SUSD3: variants seen among roughly 807,000 people sequenced by gnomAD.
SUSD3 encodes the protein sushi domain-containing protein 3.
In SUSD3, 18 loss-of-function variants were observed where a neutral mutation model predicts 20.6. That is an observed-to-expected ratio of 0.87 (90% confidence interval 0.60 to 1.30). SUSD3 has a LOEUF of 1.30. SUSD3 is among the 50% of genes most tolerant of loss of function. SUSD3 has a pLI of 0.00. For synonymous variants in SUSD3, 137 were observed against 141.5 expected, an observed-to-expected ratio of 0.97 and a Z score of 0.23; for missense variants, 306 against 346.9, an observed-to-expected ratio of 0.88 and a Z score of 0.94.
At chr9:93,079,709 AC>A (rs1826331865) in intron 4 of SUSD3, 107 bp downstream of exon 4, 9 of 1,202,164 alleles carry the variant, frequency 7.5e-6, no homozygotes, top group Non-Finnish European at 9.3e-6. Context: ...CTGCTCCCAC[AC>A]GCCTAGCCCA....
chr9:93,072,074 A>G (rs1474224486), intron 1 of SUSD3, among the ~76,000 whole-genome samples: 1 of 152,094 alleles, frequency 6.6e-6, no homozygotes. Flanking sequence ...TCATAGGGCT[A>G]TAATGCAGTA....
chr9:93,076,463 G>A (rs1478124685), intron 2 of SUSD3, among the ~76,000 whole-genome samples: 1 of 152,170 alleles, frequency 6.6e-6, no homozygotes, highest in Non-Finnish European at 1.5e-5. Context: ...GGAGGCAATG[G>A]TTTTCTGGTT....
intron 4 of SUSD3, among the ~76,000 whole-genome samples, chr9:93,081,294 G>A (rs1217805493): frequency 6.6e-6 from 1 of 152,138 alleles, no homozygotes; most frequent in Non-Finnish European, 1.5e-5. Context: ...GGGTCTGGGC[G>A]GGCATCCAGA....
chr9:93,084,992 A>G lies in SUSD3; in HGVS notation c.*245A>G, dbSNP rs1050635586. The G allele has an allele frequency of 2.1e-5, 8 of 388,174 alleles. No individual in the cohort carries two copies. The highest frequency in any genetic ancestry group is 3.7e-5 in the Non-Finnish European group (8 of 219,092). The allele number at this position is 388,174 out of a possible 1,614,324, so 24.0% of individuals were successfully genotyped here. On this transcript the variant is annotated 3_prime_UTR_variant, in exon 5 of 5. Coordinates refer to ENST00000375472, the MANE Select transcript of SUSD3 (RefSeq NM_145006.4). Reference sequence around the variant, plus strand: ...GATTTTTATAGTTATGGACTACTTGAAACCACTACTGAGGGTAATTTACTA... The same window carrying G: ...GATTTTTATAGTTATGGACTACTTGGAACCACTACTGAGGGTAATTTACTA...
At chr9:93,069,061 G>A (rs1476741409) in intron 1 of SUSD3, 1 of 701,752 alleles carries the variant, frequency 1.4e-6, no homozygotes, top group East Asian at 2.7e-5. Flanking sequence ...TTGCGATGAT[G>A]TGAGATGATA....
chr9:93,077,815 G>A (rs779155410), intron 2 of SUSD3, 31 bp from the exon 3 acceptor site: 10 of 1,612,964 alleles, frequency 6.2e-6, no homozygotes, highest in East Asian at 2.2e-5. Flanking sequence ...GGCAAACCTC[G>A]CCCAGGAGCT....
Position 93,058,731 on chromosome 9 carries a change from G to C in SUSD3, c.-12G>C, listed in dbSNP as rs559087309. ...CCTGGCAGACCCCGCCAAGCGCCTC[G>C]GAGCGCGCAGGATGCGCTGGGCGGC... On this transcript the variant is annotated 5_prime_UTR_variant, in exon 1 of 5. Transcript: ENST00000375472. 3.3e-3 allele frequency: 4,025 copies of C among 1,231,756 alleles called. 10 individuals are homozygous for C. Among genetic ancestry groups the C allele is most frequent in the Admixed American group, 3.8e-3 (90 of 23,610 alleles). 76.3% of individuals were successfully genotyped at this position (1,231,756 alleles called of 1,614,324 possible). A position where few individuals can be genotyped will look rare whatever the true frequency, so the allele number is the denominator to read the frequency against.
chr9:93,084,213 T>A (rs1826546474), intron 4 of SUSD3, among the ~76,000 whole-genome samples: 2 of 152,030 alleles, frequency 1.3e-5, no homozygotes. Context: ...GACAGCTGGG[T>A]TCCTGGTGGT....
chr9:93,080,334 A>C (rs1334421784), intron 4 of SUSD3, among the ~76,000 whole-genome samples: 2 of 151,624 alleles, frequency 1.3e-5, no homozygotes, highest in Admixed American at 6.6e-5. Context: ...AAAAAAAAAA[A>C]AAAAAACAAA....
intron 1 of SUSD3, among the ~76,000 whole-genome samples, chr9:93,073,876 G>A (rs1186539448): frequency 6.6e-6 from 1 of 152,242 alleles, no homozygotes; most frequent in Non-Finnish European, 1.5e-5. Context: ...AGTTAGACCA[G>A]AGCCTCCTTG....
intron 3 of SUSD3, 85 bp from the exon 4 acceptor site, chr9:93,079,386 C>A (rs1008796187): frequency 3.2e-5 from 48 of 1,489,730 alleles, no homozygotes; most frequent in Non-Finnish European, 4.0e-5. Flanking sequence ...GCAGACGGTG[C>A]CCTGGGCCTA....
chr9:93,064,441 C>G (rs577715928), intron 1 of SUSD3, among the ~76,000 whole-genome samples: 2 of 152,368 alleles, frequency 1.3e-5, no homozygotes, highest in African/African-American at 2.4e-5. Flanking sequence ...AACAGCTTGC[C>G]TGCTGTTGAT....
At chr9:93,082,151 C>T (rs12344816) in intron 4 of SUSD3, among the ~76,000 whole-genome samples, 3 of 152,146 alleles carry the variant, frequency 2.0e-5, no homozygotes, top group East Asian at 1.9e-4. Context: ...TGATGAATGT[C>T]GAGGAAGAAT....
intron 1 of SUSD3, among the ~76,000 whole-genome samples, chr9:93,063,930 C>T (rs1394515577): frequency 6.6e-6 from 1 of 152,192 alleles, no homozygotes; most frequent in Admixed American, 6.5e-5. Context: ...TTTTACTGGG[C>T]TTGTATTCCA....
At chr9:93,063,678 G>C (rs1825593269) in intron 1 of SUSD3, among the ~76,000 whole-genome samples, 1 of 152,150 alleles carries the variant, frequency 6.6e-6, no homozygotes, top group South Asian at 2.1e-4. Context: ...GGTCAGGGCT[G>C]TGAGCCTTGA....
intron 1 of SUSD3, among the ~76,000 whole-genome samples, chr9:93,070,661 C>A (rs1825877111): frequency 6.6e-6 from 1 of 152,226 alleles, no homozygotes; most frequent in South Asian, 2.1e-4. Flanking sequence ...GATGCCTTGG[C>A]ATTACACCTC....
At position 93,077,968 on chromosome 9, in the gene SUSD3, A is replaced by G. The variant is rs1162114363; in HGVS notation, c.400A>G (p.Lys134Glu). Residue 134 changes from lysine (K) to glutamate (E), a missense_variant, in exon 3 of 5, where the codon AAG becomes GAG. By Grantham distance (56) the Lys-to-Glu change is moderately conservative. Coordinates refer to ENST00000375472, the MANE Select transcript of SUSD3 (RefSeq NM_145006.4). ...LTCCLLKCVK[K>E]SKRRRSNRSA... ...CTGCTGCCTCCTCAAGTGCGTGAAG[A>G]AGAGCAAGCGGCGGCGCTCCAACAG... The G allele has an allele frequency of 1.2e-6, 2 of 1,614,206 alleles. No individual in the cohort carries two copies. Among genetic ancestry groups the G allele is most frequent in the South Asian group, 2.2e-5 (2 of 91,088 alleles).
At position 93,084,539 on chromosome 9, in the gene SUSD3, AC is replaced by A. The variant is rs768783603; in HGVS notation, c.562del (p.His188MetfsTer11). On this transcript the variant is annotated frameshift_variant, in exon 5 of 5. Transcript: ENST00000375472. LOFTEE classifies it low-confidence loss of function (END_TRUNC). ...ACTCATGCCTCCTCTCTCCACAGAG[AC>A]CATGGTGAGAGCACCAGCAAGCTGG... ...QAHDNHSFTT[D>X]HGESTSKLAS... 1.3e-6 allele frequency: 2 copies of A among 1,589,116 alleles called. No homozygotes were observed. The highest frequency in any genetic ancestry group is 1.7e-6 in the Non-Finnish European group (2 of 1,167,498).
intron 1 of SUSD3, among the ~76,000 whole-genome samples, chr9:93,073,384 C>T (rs1825988580): frequency 6.6e-6 from 1 of 151,994 alleles, no homozygotes; most frequent in Non-Finnish European, 1.5e-5. Context: ...GTAGCTGGGA[C>T]TTCAGGCGCC....
Sources: gnomAD v4.1 joint callset for allele counts (sites outside exome capture counted in the v4.1 genomes callset) on GRCh38, gnomAD v4.1.1 for gene constraint, MANE v1.5 for transcripts, NCBI Gene and HGNC (gene_info 2026-07-23, HGNC 2026-07-21) for gene names.